Variants in STK24 observed in about 807,000 individuals in gnomAD.
STK24 encodes serine/threonine-protein kinase 24.
Under a neutral mutation model 55.6 loss-of-function variants are expected in STK24, and 21 were observed. That is an observed-to-expected ratio of 0.38 (90% confidence interval 0.27 to 0.54). STK24 has a LOEUF of 0.54. STK24 is among the 20% of genes least tolerant of loss of function. The probability of loss-of-function intolerance (pLI) is 0.79; values close to 1 mark genes in which losing one functional copy is unlikely to be tolerated. For missense variants in STK24, 383 were observed against 538.4 expected (o/e 0.71, Z 2.86); for synonymous variants, 200 against 215.2 (o/e 0.93, Z 0.62).
intron 5 of STK24, among the ~76,000 whole-genome samples, chr13:98,470,227 T>C (rs1305401101): frequency 6.6e-6 from 1 of 152,160 alleles, no homozygotes; most frequent in Admixed American, 6.5e-5. Flanking sequence ...TCCTCCCACC[T>C]CAGCCTCCTG....
intron 4 of STK24, 98 bp from the exon 5 acceptor site, chr13:98,475,076 C>G (rs558986429): frequency 6.8e-7 from 1 of 1,475,896 alleles, no homozygotes; most frequent in Non-Finnish European, 9.0e-7. Context: ...GCGAACCCAC[C>G]GAGCACAGGC....
At chr13:98,549,832 T>C (rs1783523279) in intron 1 of STK24, among the ~76,000 whole-genome samples, 1 of 152,190 alleles carries the variant, frequency 6.6e-6, no homozygotes, top group Non-Finnish European at 1.5e-5. Flanking sequence ...GCTAATCACC[T>C]AATCACCTCC....
chr13:98,536,146 C>CG (rs1412583362), intron 1 of STK24, among the ~76,000 whole-genome samples: 1 of 151,642 alleles, frequency 6.6e-6, no homozygotes, highest in Non-Finnish European at 1.5e-5. Context: ...TCCTGCCCAC[C>CG]GGGGGGAAAA....
intron 10 of STK24, chr13:98,456,313 G>C (rs560389954): frequency 2.4e-4 from 86 of 360,708 alleles, no homozygotes; most frequent in African/African-American, 1.6e-3. Context: ...GCAGTCTCAG[G>C]AAAGACCCAG....
At chr13:98,557,817 C>T (rs758294877) in intron 1 of STK24, among the ~76,000 whole-genome samples, 3 of 152,186 alleles carry the variant, frequency 2.0e-5, no homozygotes, top group Non-Finnish European at 2.9e-5. Flanking sequence ...GTTCTCTTTC[C>T]TTTCCCCTTA....
rs1428240460 is a variant in STK24 at position 98,533,739 on chromosome 13, C to T, written c.43-14266G>A. ...TACTATACCACCTAGATCAGTTTAT[C>T]GCCTGTGGCCTCAGTACCCAACACA... On this transcript the variant is annotated intron_variant, in intron 1 of 10. Coordinates refer to ENST00000539966, the MANE Select transcript of STK24 (RefSeq NM_001032296.4). Among the ~76,000 whole-genome samples, 5 of 152,140 alleles carry T rather than the reference C, an allele frequency of 3.3e-5. No individual in the cohort carries two copies. In the East Asian group the frequency reaches 7.7e-4, roughly 23 times the overall value.
At position 98,449,086 on chromosome 13, in the gene STK24, A is replaced by AAT. The variant is rs1893053706; in HGVS notation, c.*4085_*4086dup. 6.6e-6 allele frequency: 1 copy of AAT among 152,234 alleles called. No individual in the cohort carries two copies. Among genetic ancestry groups the AAT allele is most frequent in the East Asian group, 1.9e-4 (1 of 5,192 alleles). 9.4% of individuals were successfully genotyped at this position (152,234 alleles called of 1,614,324 possible). On this transcript the variant is annotated 3_prime_UTR_variant, in exon 11 of 11. Transcript: ENST00000539966. Reference sequence around the variant, plus strand: ...TGAGTGGTGTACACAATGGGAAGATAATAAGCCGTGGTGTTTTGCTGTCTG... The same window carrying AAT: ...TGAGTGGTGTACACAATGGGAAGATAATATAAGCCGTGGTGTTTTGCTGTCTG...
Position 98,510,210 on chromosome 13 carries a change from C to T in STK24, c.273+9033G>A, listed in dbSNP as rs1189295236. ...GTCAGACAAGACCCACAGGGGTGTC[C>T]GTCAGTATAAACAAGTTTCCCGAGT... On this transcript the variant is annotated intron_variant, in intron 2 of 10. Coordinates refer to ENST00000539966, the MANE Select transcript of STK24 (RefSeq NM_001032296.4). Among the ~76,000 whole-genome samples, 3 of 152,158 alleles carry T rather than the reference C, an allele frequency of 2.0e-5. No individual in the cohort carries two copies. In the East Asian group the frequency reaches 5.8e-4, roughly 29 times the overall value.
intron 1 of STK24, among the ~76,000 whole-genome samples, chr13:98,574,458 A>G (rs1428594532): frequency 1.3e-5 from 2 of 152,218 alleles, no homozygotes; most frequent in Non-Finnish European, 2.9e-5. Flanking sequence ...ATCTTCAGCA[A>G]CAACTCTTAG....
rs959813429 is a variant in STK24 at position 98,450,291 on chromosome 13, A to AT, written c.*2881dup. On this transcript the variant is annotated 3_prime_UTR_variant, in exon 11 of 11. Transcript: ENST00000539966. ...TAGGTCACTCTGCCTTTGCTGACAC[A>AT]TTTTATAGCAGAAATACACAAGCTG... 4 of 152,218 alleles carry AT rather than the reference A, an allele frequency of 2.6e-5. No individual in the cohort carries two copies. The highest frequency in any genetic ancestry group is 4.4e-5 in the Non-Finnish European group (3 of 68,038). The allele number at this position is 152,218 out of a possible 1,614,324, so 9.4% of individuals were successfully genotyped here. A position where few individuals can be genotyped will look rare whatever the true frequency, so the allele number is the denominator to read the frequency against.
chr13:98,576,747 G>C lies in STK24; in HGVS notation c.40C>G (p.Gln14Glu). The stretch of plus-strand genomic sequence containing the variant: ...CCCCGCGGCCCGCGCCCGCCTACCT[G>C]CATGCCGGGCAGGCCCGACTGCACC... ...SPVQSGLPGM[Q>E]NLKADPEELF... Residue 14 changes from glutamine (Q) to glutamate (E), a missense_variant and splice_region_variant, in exon 1 of 11, where the codon CAG (glutamine) becomes GAG (glutamate). By Grantham distance (29) the Gln-to-Glu change is conservative (BLOSUM62 2). Coordinates refer to ENST00000539966, the MANE Select transcript of STK24 (RefSeq NM_001032296.4). The C allele has an allele frequency of 6.9e-7, 1 of 1,459,698 alleles. No homozygotes were observed. The allele number at this position is 1,459,698 out of a possible 1,614,324, so 90.4% of individuals were successfully genotyped here.
rs547742657 is a variant in STK24, at chr13:98,457,739, G to C, written c.1123-435C>G. On this transcript the variant is annotated intron_variant, in intron 9 of 10. Transcript: ENST00000539966. ...CCCGCCTCGGCCTCTCAAAGTGTTG[G>C]GATTACAGGCGTGAGCCACTGTGCC... Among the ~76,000 whole-genome samples the C allele has an allele frequency of 2.6e-5, 4 of 152,278 alleles. No individual in the cohort carries two copies. In the South Asian group the frequency reaches 6.2e-4, roughly 24 times the overall value.
At chr13:98,546,713 A>T in intron 1 of STK24, among the ~76,000 whole-genome samples, 1 of 152,214 alleles carries the variant, frequency 6.6e-6, no homozygotes, top group East Asian at 1.9e-4. Flanking sequence ...TCCCATTTTC[A>T]GTTTCCAATG....
chr13:98,519,527 C>A, intron 1 of STK24, 54 bp from the exon 2 acceptor site: 1 of 1,363,242 alleles, frequency 7.3e-7, no homozygotes, highest in South Asian at 1.2e-5. Flanking sequence ...AGCACCACAA[C>A]TCCTTTGTCA....
At chr13:98,469,545 A>G (rs9517316) in intron 5 of STK24, among the ~76,000 whole-genome samples, 9 of 116,218 alleles carry the variant, frequency 7.7e-5, no homozygotes, top group African/African-American at 2.7e-4. Context: ...CCCCCCCCCC[A>G]AAAAAAAAAG....
chr13:98,448,253 G>A lies in STK24; in HGVS notation c.*4920C>T, dbSNP rs761568994. 9.9e-6 allele frequency: 16 copies of A among 1,613,812 alleles called. No homozygotes were observed. The highest frequency in any genetic ancestry group is 1.6e-4 in the Middle Eastern group (1 of 6,064). On this transcript the variant is annotated 3_prime_UTR_variant, in exon 11 of 11. Transcript: ENST00000539966. ...TGTTGCAGGTGGATGGAAGTGATCC[G>A]CAGTGCCACCAGCTCTGCCTCGCGA...
intron 1 of STK24, among the ~76,000 whole-genome samples, chr13:98,562,623 A>C (rs7326534): frequency 0.026 from 3,921 of 152,292 alleles, 71 homozygotes; most frequent in South Asian, 0.081. Context: ...TATCACTTTA[A>C]AAGGGTTCCA....
At chr13:98,466,060 T>C (rs1893915282) in intron 6 of STK24, among the ~76,000 whole-genome samples, 1 of 152,228 alleles carries the variant, frequency 6.6e-6, no homozygotes, top group Non-Finnish European at 1.5e-5. Context: ...TTAAAAACAG[T>C]GTAACAGTTT....
chr13:98,455,127 T>C (rs1341917756), intron 10 of STK24: 3 of 152,230 alleles, frequency 2.0e-5, no homozygotes, highest in Non-Finnish European at 4.4e-5. Context: ...TTATTGATGA[T>C]TGTTGTTATT....
Sources: allele counts gnomAD v4.1 joint callset (sites outside exome capture counted in the v4.1 genomes callset), GRCh38; gene constraint gnomAD v4.1.1; transcripts MANE v1.5; gene names NCBI Gene and HGNC (gene_info 2026-07-23, HGNC 2026-07-21).